TIAM1: variants seen among roughly 807,000 people sequenced by gnomAD.
The protein encoded by TIAM1 is TIAM Rac1 associated GEF 1.
In TIAM1, 65 loss-of-function variants were observed where a neutral mutation model predicts 163.5. That is an observed-to-expected ratio of 0.40 (90% CI 0.33 to 0.49). The LOEUF is 0.49. Among genes scored for constraint, TIAM1 ranks in the 20% least tolerant of loss-of-function variants. The pLI, the probability that TIAM1 is intolerant of heterozygous loss-of-function variation, is 0.77. For missense variants in TIAM1, 1,789 were observed against 2,044.7 expected (o/e 0.87, Z 2.41); for synonymous variants, 833 against 810.1 (o/e 1.03, Z -0.48).
intron 1 of TIAM1, among the ~76,000 whole-genome samples, chr21:31,487,171 C>T (rs13052541): frequency 0.13 from 19,288 of 152,050 alleles, 1,323 homozygotes; most frequent in Admixed American, 0.15. Context: ...GAGCTTTTTC[C>T]GACAGGGCAC....
intron 2 of TIAM1, among the ~76,000 whole-genome samples, chr21:31,425,360 G>A (rs1260642478): frequency 2.6e-5 from 4 of 152,050 alleles, no homozygotes; most frequent in Non-Finnish European, 5.9e-5. Context: ...ATAAAATGGA[G>A]GCCACTCCAC....
chr21:31,473,452 A>C (rs1461002708), intron 1 of TIAM1, among the ~76,000 whole-genome samples: 4 of 87,008 alleles, frequency 4.6e-5, no homozygotes, highest in African/African-American at 1.4e-4. Flanking sequence ...AAAAAAAAAA[A>C]AAAAAAAAAA....
At chr21:31,323,990 G>A (rs548245501) in intron 2 of TIAM1, among the ~76,000 whole-genome samples, 3 of 150,026 alleles carry the variant, frequency 2.0e-5, no homozygotes, top group South Asian at 2.1e-4. Flanking sequence ...CCTGGGCAAC[G>A]GAGCAAGACC....
chr21:31,480,326 C>T (rs1236912386), intron 1 of TIAM1, among the ~76,000 whole-genome samples: 1 of 152,168 alleles, frequency 6.6e-6, no homozygotes, highest in Non-Finnish European at 1.5e-5. Flanking sequence ...TTGTTTATTT[C>T]TTTGCTACTC....
chr21:31,365,809 A>T (rs2147144609), intron 2 of TIAM1, among the ~76,000 whole-genome samples: 1 of 151,976 alleles, frequency 6.6e-6, no homozygotes, highest in Admixed American at 6.6e-5. Context: ...TCACTGTCAA[A>T]GTATGACATA....
intron 19 of TIAM1, among the ~76,000 whole-genome samples, chr21:31,147,506 C>T (rs2083178063): frequency 6.6e-6 from 1 of 151,666 alleles, no homozygotes; most frequent in African/African-American, 2.4e-5. Context: ...AAGAAACACG[C>T]TCAACTATGG....
intron 2 of TIAM1, among the ~76,000 whole-genome samples, chr21:31,410,340 G>A (rs1183842779): frequency 1.3e-5 from 2 of 151,732 alleles, no homozygotes; most frequent in East Asian, 1.9e-4. Context: ...AGGAGACTGC[G>A]AGTGTGTGTG....
chr21:31,213,866 C>CCAAAAAAAAA (rs71318260), intron 9 of TIAM1, among the ~76,000 whole-genome samples: 39 of 54,846 alleles, frequency 7.1e-4, no homozygotes, highest in African/African-American at 2.2e-3. Context: ...CTCATCTCTA[C>CCAAAAAAAAA]AAAAAAAAAA....
At chr21:31,170,384 C>T (rs1397145931) in intron 15 of TIAM1, among the ~76,000 whole-genome samples, 1 of 152,124 alleles carries the variant, frequency 6.6e-6, no homozygotes, top group East Asian at 1.9e-4. Context: ...GCAATTTATG[C>T]AAGTAGGCCA....
intron 4 of TIAM1, among the ~76,000 whole-genome samples, chr21:31,261,278 G>A (rs79935345): frequency 1.8e-5 from 1 of 55,190 alleles, no homozygotes; most frequent in African/African-American, 8.2e-5. Context: ...TTTTTTTTTT[G>A]TATCTGTACC....
chr21:31,256,333 T>C (rs2072096714), intron 4 of TIAM1, among the ~76,000 whole-genome samples: 1 of 152,162 alleles, frequency 6.6e-6, no homozygotes, highest in Admixed American at 6.5e-5. Context: ...ATTGGCCACT[T>C]GTAGTTAAGT....
At chr21:31,344,888 C>A (rs1265660279), upstream of TIAM1, among the ~76,000 whole-genome samples, 3 of 152,178 alleles carry the variant, frequency 2.0e-5, no homozygotes, top group Non-Finnish European at 4.4e-5. Context: ...TCTTTCCTTC[C>A]CCCTGGAAAG....
intron 2 of TIAM1, among the ~76,000 whole-genome samples, chr21:31,460,276 C>T (rs2045274135): frequency 6.6e-6 from 1 of 152,168 alleles, no homozygotes; most frequent in South Asian, 2.1e-4. Context: ...CTCCTTCGAC[C>T]ACACACACAT....
chr21:31,327,643 CAAAA>C (rs373702154), intron 2 of TIAM1, among the ~76,000 whole-genome samples: 3 of 69,460 alleles, frequency 4.3e-5, no homozygotes, highest in Admixed American at 1.8e-4. Flanking sequence ...GCCGCCATCT[CAAAA>C]AAAAAAAAAA....
At chr21:31,371,427 G>T (rs957941603) in intron 2 of TIAM1, among the ~76,000 whole-genome samples, 5 of 152,084 alleles carry the variant, frequency 3.3e-5, no homozygotes, top group Non-Finnish European at 5.9e-5. Context: ...CTTTCCAAGG[G>T]GTCTCTGGAG....
intron 1 of TIAM1, among the ~76,000 whole-genome samples, chr21:31,517,048 CAAAAAAA>C (rs747446437): frequency 6.1e-5 from 4 of 65,392 alleles, no homozygotes; most frequent in Non-Finnish European, 1.3e-4. Context: ...GACTCTGTCT[CAAAAAAA>C]AAAAAAAAAA....
chr21:31,316,004 T>C (rs192641287), intron 2 of TIAM1, among the ~76,000 whole-genome samples: 19 of 151,968 alleles, frequency 1.3e-4, no homozygotes, highest in African/African-American at 4.3e-4. Context: ...TGAAAGGAGA[T>C]CATCAACCAT....
intron 2 of TIAM1, among the ~76,000 whole-genome samples, chr21:31,321,363 T>C (rs1237380960): frequency 7.7e-6 from 1 of 129,708 alleles, no homozygotes; most frequent in Non-Finnish European, 1.7e-5. Context: ...TTTGTTTGTT[T>C]GTTTTTGAGA....
chr21:31,539,295 C>T (rs797004417), intron 1 of TIAM1, among the ~76,000 whole-genome samples: 2 of 149,446 alleles, frequency 1.3e-5, no homozygotes, highest in African/African-American at 5.1e-5. Flanking sequence ...AGACAGAGTC[C>T]CGCTCTGTGG....
Sources: gnomAD v4.1 joint callset for allele counts (sites outside exome capture counted in the v4.1 genomes callset) on GRCh38, gnomAD v4.1.1 for gene constraint, MANE v1.5 for transcripts, NCBI Gene and HGNC (gene_info 2026-07-23, HGNC 2026-07-21) for gene names.